The following TXLNB variants were observed in gnomAD, a reference collection of about 807,000 sequenced individuals.
TXLNB encodes taxilin beta.
In TXLNB, 37 loss-of-function variants were observed where a neutral mutation model predicts 57.4. The observed-to-expected ratio is 0.64, with a 90% CI of 0.50 to 0.85. The LOEUF (loss-of-function observed/expected upper bound fraction) is 0.85. Among genes scored for constraint, TXLNB ranks in the 40% least tolerant of loss-of-function variants. TXLNB has a pLI of 0.00. For missense variants in TXLNB, 848 were observed against 825.6 expected (o/e 1.03, Z -0.33); for synonymous variants, 302 against 309.6 (o/e 0.98, Z 0.26).
the TXLNB span, among the ~76,000 whole-genome samples, chr6:139,233,792 A>G: frequency 6.6e-6 from 1 of 152,214 alleles, no homozygotes; most frequent in East Asian, 1.9e-4. Flanking sequence ...AATTGTTACC[A>G]AGATAGTGGG....
chr6:139,165,438 G>C, the TXLNB span, among the ~76,000 whole-genome samples: 1 of 151,954 alleles, frequency 6.6e-6, no homozygotes, highest in Non-Finnish European at 1.5e-5. Flanking sequence ...TTGACATTAG[G>C]GTTCCCTTTT....
At chr6:139,222,212 A>C in the TXLNB span, among the ~76,000 whole-genome samples, 1 of 152,206 alleles carries the variant, frequency 6.6e-6, no homozygotes, top group African/African-American at 2.4e-5. Flanking sequence ...ACAGAAGTAC[A>C]TATTGCAAAT....
At chr6:139,185,605 GCAGGAGA>G in the TXLNB span, among the ~76,000 whole-genome samples, 5 of 152,178 alleles carry the variant, frequency 3.3e-5, no homozygotes, top group South Asian at 1.0e-3. Flanking sequence ...GGAGGCTGAG[GCAGGAGA>G]ATGGCGTGAA....
the TXLNB span, among the ~76,000 whole-genome samples, chr6:139,160,647 G>A: frequency 2.0e-5 from 3 of 152,066 alleles, no homozygotes; most frequent in Non-Finnish European, 1.5e-5. Flanking sequence ...ACTCCTGGCC[G>A]CAAGTGATTC....
At chr6:139,164,644 C>T in the TXLNB span, among the ~76,000 whole-genome samples, 14,030 of 152,032 alleles carry the variant, frequency 0.092, 947 homozygotes, top group Admixed American at 0.19. Context: ...TAAAATCCTA[C>T]GGAAATGCAA....
chr6:139,227,850 C>T, the TXLNB span, among the ~76,000 whole-genome samples: 201 of 152,276 alleles, frequency 1.3e-3, no homozygotes, highest in South Asian at 0.012. Context: ...AATGCACACA[C>T]GCACAGGCAC....
At chr6:139,207,834 G>T in the TXLNB span, among the ~76,000 whole-genome samples, 1 of 152,198 alleles carries the variant, frequency 6.6e-6, no homozygotes, top group African/African-American at 2.4e-5. Flanking sequence ...CCAGCACTTT[G>T]GGAGGCCGAG....
At chr6:139,224,110 G>T in the TXLNB span, among the ~76,000 whole-genome samples, 2 of 148,664 alleles carry the variant, frequency 1.3e-5, no homozygotes, top group Non-Finnish European at 3.0e-5. Context: ...GGAATACTAT[G>T]CAGCCATAAA....
intron 6 of TXLNB, among the ~76,000 whole-genome samples, chr6:139,258,808 G>C (rs1776408837): frequency 6.6e-6 from 1 of 152,126 alleles, no homozygotes; most frequent in African/African-American, 2.4e-5. Flanking sequence ...AGAGAGTGTG[G>C]GCTTTGGGAA....
chr6:139,258,164 A>C (rs756869213), intron 6 of TXLNB, among the ~76,000 whole-genome samples: 3 of 152,192 alleles, frequency 2.0e-5, no homozygotes, highest in Non-Finnish European at 4.4e-5. Context: ...GCTGCAAGCC[A>C]GGTAGGTGGC....
chr6:139,247,614 G>C (rs12210739), intron 8 of TXLNB, among the ~76,000 whole-genome samples: 5 of 121,852 alleles, frequency 4.1e-5, no homozygotes, highest in African/African-American at 1.6e-4. Context: ...ATGAAACCTA[G>C]AATTTTTGGA....
At chr6:139,244,478 A>C in intron 9 of TXLNB, 117 bp downstream of exon 9, 1 of 730,304 alleles carries the variant, frequency 1.4e-6, no homozygotes, top group South Asian at 1.7e-5. Context: ...TGCCACCCCA[A>C]ATTCAACTCT....
At chr6:139,249,417 A>T (rs1029959530) in intron 7 of TXLNB, among the ~76,000 whole-genome samples, 2 of 152,240 alleles carry the variant, frequency 1.3e-5, no homozygotes, top group South Asian at 4.1e-4. Context: ...TTTTCATACA[A>T]CATAGTTTTT....
the TXLNB span, among the ~76,000 whole-genome samples, chr6:139,297,913 G>A: frequency 3.3e-5 from 5 of 152,066 alleles, no homozygotes; most frequent in African/African-American, 1.2e-4. Context: ...TGGTGGGGGC[G>A]CATCATTCTA....
At chr6:139,287,716 C>G (rs1184966186) in intron 2 of TXLNB, among the ~76,000 whole-genome samples, 1 of 152,204 alleles carries the variant, frequency 6.6e-6, no homozygotes, top group African/African-American at 2.4e-5. Context: ...AGGGACTTTC[C>G]TATGTACAGT....
chr6:139,295,812 A>G (rs58787582), upstream of TXLNB, among the ~76,000 whole-genome samples: 1,264 of 152,278 alleles, frequency 8.3e-3, 15 homozygotes, highest in African/African-American at 0.029. Flanking sequence ...CAGGTAGAGC[A>G]TTGTGATTAT....
At chr6:139,295,380 T>A (rs1025533788), upstream of TXLNB, among the ~76,000 whole-genome samples, 1 of 152,206 alleles carries the variant, frequency 6.6e-6, no homozygotes, top group Non-Finnish European at 1.5e-5. Flanking sequence ...GTCTAAGGCT[T>A]TGAACTTTTG....
Position 139,288,718 on chromosome 6 carries a change from C to T in TXLNB, c.182G>A (p.Arg61Gln), listed in dbSNP as rs1777237324. 5 of 1,614,042 alleles carry T rather than the reference C, an allele frequency of 3.1e-6. No homozygotes were observed. The highest frequency in any genetic ancestry group is 1.3e-5 in the African/African-American group (1 of 74,918). ...AGTGTTAATGATGTCTTCCAGCTGT[C>T]GATTCAGCTCTTCAGAGATATCGGG... ...VHPDISEELN[R>Q]QLEDIINTYG... The change falls in exon 2 of 10, where the codon CGA becomes CAA. Residue 61 changes from arginine (R) to glutamine (Q), a missense_variant. Transcript: ENST00000358430.
intron 3 of TXLNB, among the ~76,000 whole-genome samples, chr6:139,275,364 C>A (rs1776867671): frequency 6.6e-6 from 1 of 152,040 alleles, no homozygotes; most frequent in Non-Finnish European, 1.5e-5. Flanking sequence ...GTAAGAAAAC[C>A]AGATATCAAC....
Sources: gnomAD v4.1 joint callset for allele counts (sites outside exome capture counted in the v4.1 genomes callset) on GRCh38, gnomAD v4.1.1 for gene constraint, MANE v1.5 for transcripts, NCBI Gene and HGNC (gene_info 2026-07-23, HGNC 2026-07-21) for gene names.